Variants in PAPPA2 observed in about 807,000 individuals in gnomAD.
The protein encoded by PAPPA2 is pappalysin-2.
PAPPA2 carries 86 observed loss-of-function variants against 176.4 expected under a neutral mutation model. The observed-to-expected ratio is 0.49, with a 90% confidence interval of 0.41 to 0.58. The LOEUF (loss-of-function observed/expected upper bound fraction) is 0.58, where lower values mean the gene tolerates loss of function less well. PAPPA2 is among the 20% of genes least tolerant of loss of function. The pLI is 0.00. For missense variants in PAPPA2, 2,073 were observed against 2,256.9 expected (o/e 0.92, Z 1.65); for synonymous variants, 809 against 852.2 (o/e 0.95, Z 0.88).
chr1:176,538,663 C>T (rs554454525), intron 1 of PAPPA2, among the ~76,000 whole-genome samples: 126 of 152,136 alleles, frequency 8.3e-4, no homozygotes, highest in Non-Finnish European at 1.4e-3. Flanking sequence ...TTCCTTTCCC[C>T]ATCTCCACCC....
At chr1:176,485,469 A>G (rs565999084) in intron 1 of PAPPA2, among the ~76,000 whole-genome samples, 17 of 152,186 alleles carry the variant, frequency 1.1e-4, no homozygotes, top group African/African-American at 3.9e-4. Flanking sequence ...CACTCTTTCA[A>G]TTATTTGCTT....
chr1:176,731,879 AT>A (rs563952254), intron 12 of PAPPA2, among the ~76,000 whole-genome samples: 4 of 151,886 alleles, frequency 2.6e-5, no homozygotes, highest in Non-Finnish European at 5.9e-5. Context: ...TAAACAATGA[AT>A]TTTTTTTCTT....
chr1:176,792,915 A>T (rs886928950), intron 19 of PAPPA2, among the ~76,000 whole-genome samples: 1 of 152,188 alleles, frequency 6.6e-6, no homozygotes, highest in African/African-American at 2.4e-5. Flanking sequence ...TTTTTCTACA[A>T]GAGACCAACA....
At chr1:176,738,688 A>G (rs576873209) in intron 12 of PAPPA2, among the ~76,000 whole-genome samples, 3 of 152,296 alleles carry the variant, frequency 2.0e-5, no homozygotes, top group Non-Finnish European at 4.4e-5. Flanking sequence ...TTTATTCTCA[A>G]TGGAAATTAA....
chr1:176,623,656 T>TTTCC (rs1373313274), intron 3 of PAPPA2, among the ~76,000 whole-genome samples: 2 of 128,838 alleles, frequency 1.6e-5, no homozygotes, highest in African/African-American at 3.0e-5. Context: ...TCTTTCTTTC[T>TTTCC]TTCTTTCTTT....
intron 1 of PAPPA2, among the ~76,000 whole-genome samples, chr1:176,488,841 G>C (rs1652768203): frequency 6.6e-6 from 1 of 152,108 alleles, no homozygotes; most frequent in African/African-American, 2.4e-5. Flanking sequence ...TCAGAATCTT[G>C]GGTGCATTGT....
At chr1:176,636,894 G>A (rs944005016) in intron 3 of PAPPA2, among the ~76,000 whole-genome samples, 3 of 152,142 alleles carry the variant, frequency 2.0e-5, no homozygotes, top group African/African-American at 2.4e-5. Flanking sequence ...AGCTCACAAA[G>A]TGGTAGTGGG....
At position 176,778,542 on chromosome 1, in the gene PAPPA2, A is replaced by C. The variant is rs2102921997; in HGVS notation, c.4715+7362A>C. Among the ~76,000 whole-genome samples, 7 of 152,320 alleles carry C rather than the reference A, an allele frequency of 4.6e-5. 1 individual carries two copies. The South Asian group carries it at 1.4e-3, about 32-fold the overall frequency. ...AAAGAAAGACTTGGTTAATAAACTG[A>C]AAATGTGCAGCTAAGGCAAGCTAAA... On this transcript the variant is annotated intron_variant, in intron 17 of 22. Coordinates refer to ENST00000367662, the MANE Select transcript of PAPPA2 (RefSeq NM_020318.3).
chr1:176,645,973 T>G (rs1191159638), intron 3 of PAPPA2, among the ~76,000 whole-genome samples: 1 of 151,820 alleles, frequency 6.6e-6, no homozygotes, highest in East Asian at 1.9e-4. Context: ...TTTTAGTTCT[T>G]TATATTTTGT....
chr1:176,541,427 G>A (rs143409572), intron 1 of PAPPA2, among the ~76,000 whole-genome samples: 2,840 of 152,296 alleles, frequency 0.019, 50 homozygotes, highest in Non-Finnish European at 0.024. Flanking sequence ...TTGGAAAGTA[G>A]TAAGGGTAGT....
chr1:176,557,218 A>G lies in PAPPA2; in HGVS notation c.896A>G (p.Gln299Arg). The G allele has an allele frequency of 6.2e-7, 1 of 1,600,606 alleles. No individual in the cohort carries two copies. The highest frequency in any genetic ancestry group is 8.5e-7 in the Non-Finnish European group (1 of 1,173,708). The change falls in exon 2 of 23, where the codon CAG becomes CGG. Residue 299 changes from glutamine (Q) to arginine (R), a missense_variant. Gln to Arg is a conservative substitution (Grantham distance 43). This residue lies in a region of PAPPA2 where 1,196 missense variants were observed against 1,330.4 expected (regional missense o/e 0.90). Coordinates refer to ENST00000367662, the MANE Select transcript of PAPPA2 (RefSeq NM_020318.3). Reference sequence around the variant, plus strand: ...GCCTGGGTTAAACCGGAGGGAGGACAGAACAACCCAGCCATCATCGCAGGT... The same window carrying G: ...GCCTGGGTTAAACCGGAGGGAGGACGGAACAACCCAGCCATCATCGCAGGT... ...VEAWVKPEGG[Q>R]NNPAIIAGVF...
intron 3 of PAPPA2, among the ~76,000 whole-genome samples, chr1:176,644,922 C>T (rs768282558): frequency 2.0e-5 from 3 of 151,702 alleles, no homozygotes; most frequent in African/African-American, 4.8e-5. Flanking sequence ...ACAGGTGCAG[C>T]GCCACAAGTA....
chr1:176,469,736 G>A (rs1005552377), intron 1 of PAPPA2, among the ~76,000 whole-genome samples: 7 of 152,110 alleles, frequency 4.6e-5, no homozygotes, highest in Non-Finnish European at 1.0e-4. Context: ...ACACAGGAAG[G>A]TCTGAGACAT....
chr1:176,556,579 A>T lies in PAPPA2; in HGVS notation c.257A>T (p.Glu86Val), dbSNP rs1469446625. ...TACCTAAGGCCCTACCCCGTGGGGG[A>T]GCAAGAAATCCATCATACAGGACGC... ...GNYLRPYPVG[E>V]QEIHHTGRSK... The change falls in exon 2 of 23, where the codon GAG (glutamate) becomes GTG (valine). Residue 86 changes from glutamate (E) to valine (V), a missense_variant. By Grantham distance (121) the Glu-to-Val change is moderately radical (BLOSUM62 -2). Coordinates refer to ENST00000367662, the MANE Select transcript of PAPPA2 (RefSeq NM_020318.3). 6.2e-7 allele frequency: 1 copy of T among 1,614,156 alleles called. No individual in the cohort carries two copies. Among genetic ancestry groups the T allele is most frequent in the Admixed American group, 1.7e-5 (1 of 60,014 alleles).
chr1:176,699,707 A>C, intron 8 of PAPPA2, 118 bp downstream of exon 8: 2 of 1,450,090 alleles, frequency 1.4e-6, no homozygotes, highest in Non-Finnish European at 1.8e-6. Flanking sequence ...TTAGACTTTC[A>C]GAGGGGATTT....
chr1:176,481,252 GCACACACACACA>G lies in PAPPA2; in HGVS notation c.-917+17871_-917+17882del, dbSNP rs56206580. The stretch of plus-strand genomic sequence containing the variant: ...TTGATTTAAGCGCTGAGATTTTAAA[GCACACACACACA>G]CACACACACACACACACACACACAC... On this transcript the variant is annotated intron_variant, in intron 1 of 22. Coordinates refer to ENST00000367662, the MANE Select transcript of PAPPA2 (RefSeq NM_020318.3). Among the ~76,000 whole-genome samples, 805 of 140,306 alleles carry G rather than the reference GCACACACACACA, an allele frequency of 5.7e-3. 6 individuals are homozygous for G. The highest frequency in any genetic ancestry group is 0.017 in the African/African-American group (653 of 38,702). 92.0% of individuals were successfully genotyped at this position (140,306 alleles called of 152,430 possible). A position where few individuals can be genotyped will look rare whatever the true frequency, so the allele number is the denominator to read the frequency against.
chr1:176,580,643 T>C (rs961189477), intron 2 of PAPPA2, among the ~76,000 whole-genome samples: 3 of 6,464 alleles, frequency 4.6e-4, no homozygotes, highest in African/African-American at 1.3e-3. Flanking sequence ...TTGCCAGCAT[T>C]TTTTTTTTGT....
chr1:176,626,917 T>A (rs1239230718), intron 3 of PAPPA2, among the ~76,000 whole-genome samples: 1 of 150,728 alleles, frequency 6.6e-6, no homozygotes, highest in Non-Finnish European at 1.5e-5. Flanking sequence ...TTGACAAATT[T>A]CCACTATGTT....
Position 176,760,966 on chromosome 1 carries a change from C to T in PAPPA2, c.4152-4700C>T, listed in dbSNP as rs926290522. On this transcript the variant is annotated intron_variant, in intron 14 of 22. Transcript: ENST00000367662. ...CCTCCCGGGTAGCTGGGACTACAGGCGCCTGCCACCATGCCTAGCTAATTT... is the reference window on the plus strand; with the variant it reads ...CCTCCCGGGTAGCTGGGACTACAGGTGCCTGCCACCATGCCTAGCTAATTT... 7.9e-5 allele frequency among the ~76,000 whole-genome samples: 12 copies of T among 152,108 alleles called. No homozygotes were observed. The South Asian group carries it at 1.5e-3, about 18-fold the overall frequency.
Sources: gnomAD v4.1 joint callset for allele counts (sites outside exome capture counted in the v4.1 genomes callset) on GRCh38, gnomAD v4.1.1 for gene constraint, gnomAD v4.1.1 regional missense constraint, MANE v1.5 for transcripts, NCBI Gene and HGNC (gene_info 2026-07-23, HGNC 2026-07-21) for gene names.